Variants in UNC79 observed in about 807,000 individuals in gnomAD.
UNC79 encodes the protein protein unc-79 homolog.
In UNC79, 37 loss-of-function variants were observed where a neutral mutation model predicts 283.1. The ratio of observed to expected loss-of-function variants is 0.13; its 90% CI spans 0.10 to 0.17. The LOEUF is 0.17. UNC79 is among the 10% of genes least tolerant of loss of function. UNC79 has a pLI of 1.00. For missense variants in UNC79, 2,272 were observed against 3,211.1 expected (o/e 0.71, Z 7.07); for synonymous variants, 1,107 against 1,200.2 (o/e 0.92, Z 1.61).
At chr14:93,627,832 A>T (rs1258059434) in intron 30 of UNC79, among the ~76,000 whole-genome samples, 1 of 152,212 alleles carries the variant, frequency 6.6e-6, no homozygotes, top group Non-Finnish European at 1.5e-5. Context: ...ATCTGAAATT[A>T]ACATTTAACT....
intron 48 of UNC79, among the ~76,000 whole-genome samples, chr14:93,706,314 C>T (rs995371481): frequency 6.6e-6 from 1 of 152,104 alleles, no homozygotes; most frequent in Non-Finnish European, 1.5e-5. Context: ...TTCCCAAAGT[C>T]GCCTATAGAA....
At chr14:93,707,129 T>C, downstream of UNC79, 1 of 430,232 alleles carries the variant, frequency 2.3e-6, no homozygotes, top group Non-Finnish European at 4.0e-6. Flanking sequence ...CCTTACATTA[T>C]TTTTTAAAAA....
chr14:93,347,324 T>G, intron 1 of UNC79: 2 of 1,603,524 alleles, frequency 1.2e-6, no homozygotes, highest in Admixed American at 1.7e-5. Context: ...CGCTTGGCCC[T>G]GCTCGGCCTG....
chr14:93,407,883 T>C (rs1170384089), intron 1 of UNC79, among the ~76,000 whole-genome samples: 1 of 152,120 alleles, frequency 6.6e-6, no homozygotes, highest in South Asian at 2.1e-4. Context: ...GAAACTCAAA[T>C]TGAACAAGGG....
chr14:93,334,477 G>T (rs1413440083), intron 1 of UNC79: 3 of 152,298 alleles, frequency 2.0e-5, no homozygotes, highest in Non-Finnish European at 4.4e-5. Context: ...GGAAAAGTGA[G>T]AAAATATAAA....
chr14:93,333,541 T>C (rs2053502696), intron 1 of UNC79: 2 of 397,892 alleles, frequency 5.0e-6, no homozygotes. Flanking sequence ...CTTGTCTGCA[T>C]GGTACTTTTA....
At chr14:93,538,304 T>A in intron 12 of UNC79, 86 bp downstream of exon 12, 1 of 1,350,462 alleles carries the variant, frequency 7.4e-7, no homozygotes. Flanking sequence ...GCATATTTAA[T>A]GCAACCTCAA....
At chr14:93,653,274 A>C (rs998967352) in intron 35 of UNC79, among the ~76,000 whole-genome samples, 2 of 151,958 alleles carry the variant, frequency 1.3e-5, no homozygotes, top group Non-Finnish European at 2.9e-5. Context: ...CAGATGCCCA[A>C]AGAAAACTTC....
At chr14:93,649,088 T>G (rs905012314) in intron 35 of UNC79, among the ~76,000 whole-genome samples, 2 of 152,194 alleles carry the variant, frequency 1.3e-5, no homozygotes, top group Admixed American at 6.5e-5. Context: ...CTTAGCTTCC[T>G]CATCTGTAAA....
At position 93,487,648 on chromosome 14, in the gene UNC79, A is replaced by G; in HGVS notation, c.620-15A>G. On this transcript the variant is annotated splice_polypyrimidine_tract_variant and intron_variant, in intron 4 of 48. Coordinates refer to ENST00000555664, the Ensembl canonical transcript of UNC79. ...GAGATTAAATTGTGTCTAATCAAAG[A>G]ACTTTTGGTTGCAGTGGGCTCCTCA... The G allele has an allele frequency of 6.2e-7, 1 of 1,611,716 alleles. No homozygotes were observed. The highest frequency in any genetic ancestry group is 8.5e-7 in the Non-Finnish European group (1 of 1,178,104).
chr14:93,390,189 T>C (rs1216395974), intron 1 of UNC79, among the ~76,000 whole-genome samples: 1 of 152,218 alleles, frequency 6.6e-6, no homozygotes, highest in Admixed American at 6.5e-5. Flanking sequence ...TGTAATGTAC[T>C]ACATTAAAAG....
intron 22 of UNC79, among the ~76,000 whole-genome samples, chr14:93,589,365 C>T (rs975643658): frequency 1.5e-4 from 23 of 151,962 alleles, no homozygotes; most frequent in Admixed American, 4.6e-4. Context: ...GCAGATGAAG[C>T]CAGAAAAATT....
At chr14:93,664,619 G>A (rs1185623764) in intron 40 of UNC79, among the ~76,000 whole-genome samples, 2 of 152,152 alleles carry the variant, frequency 1.3e-5, no homozygotes, top group Non-Finnish European at 2.9e-5. Context: ...CTTATATAGA[G>A]GTGACAAAGA....
intron 35 of UNC79, 99 bp from the exon 39 acceptor site, chr14:93,653,643 C>T (rs2070565681): frequency 9.9e-7 from 1 of 1,010,782 alleles, no homozygotes; most frequent in Non-Finnish European, 1.5e-6. Context: ...GCTATCCCAT[C>T]AGAGGCATGG....
intron 1 of UNC79, among the ~76,000 whole-genome samples, chr14:93,464,841 T>C (rs1435815321): frequency 6.6e-6 from 1 of 152,180 alleles, no homozygotes; most frequent in Non-Finnish European, 1.5e-5. Context: ...CATGGGCTTA[T>C]TAACCAGCCA....
intron 31 of UNC79, among the ~76,000 whole-genome samples, chr14:93,632,640 A>C (rs112367382): frequency 0.018 from 2,781 of 152,058 alleles, 76 homozygotes; most frequent in African/African-American, 0.063. Flanking sequence ...TGGCGGCTGC[A>C]GTGAGCTGTG....
intron 18 of UNC79, among the ~76,000 whole-genome samples, chr14:93,579,874 C>G (rs952783879): frequency 4.6e-5 from 7 of 152,196 alleles, no homozygotes; most frequent in African/African-American, 1.7e-4. Flanking sequence ...TAGCCAAAAG[C>G]AACAACTCTC....
chr14:93,488,289 T>C (rs2058547026), intron 5 of UNC79, among the ~76,000 whole-genome samples: 1 of 152,260 alleles, frequency 6.6e-6, no homozygotes, highest in Admixed American at 6.5e-5. Flanking sequence ...GTTAGACAGA[T>C]GAATATTAAT....
At chr14:93,475,042 TTAGAA>T (rs2057723740) in intron 3 of UNC79, among the ~76,000 whole-genome samples, 2 of 152,224 alleles carry the variant, frequency 1.3e-5, no homozygotes. Flanking sequence ...TTAGTGGTGC[TTAGAA>T]TAGAAGTCTA....
Sources: gnomAD v4.1 joint callset for allele counts (sites outside exome capture counted in the v4.1 genomes callset) on GRCh38, gnomAD v4.1.1 for gene constraint, MANE v1.5 for transcripts, NCBI Gene and HGNC (gene_info 2026-07-23, HGNC 2026-07-21) for gene names.